Variants in RABEPK observed in about 807,000 individuals in gnomAD.
The protein encoded by RABEPK is Rab9 effector protein with kelch motifs.
Under a neutral mutation model 34.1 loss-of-function variants are expected in RABEPK, and 27 were observed. That is an observed-to-expected ratio of 0.79 (90% CI 0.58 to 1.09). RABEPK has a LOEUF of 1.09. Among genes scored for constraint, RABEPK ranks in the 50% least tolerant of loss-of-function variants. The probability of loss-of-function intolerance (pLI) is 0.00; values close to 1 mark genes in which losing one functional copy is unlikely to be tolerated. For missense variants in RABEPK, 449 were observed against 462.6 expected, an observed-to-expected ratio of 0.97 and a Z score of 0.27; for synonymous variants, 172 against 169.2, an observed-to-expected ratio of 1.02 and a Z score of -0.13.
intron 2 of RABEPK, among the ~76,000 whole-genome samples, chr9:125,204,031 CA>C (rs111335703): frequency 0.042 from 3,439 of 82,150 alleles, 106 homozygotes; most frequent in African/African-American, 0.14. Flanking sequence ...GAATCCGTTT[CA>C]AAAAAAAAAA....
chr9:125,220,641 G>A lies in RABEPK; in HGVS notation c.467G>A (p.Gly156Glu). ...ATTGGAAACCAGCTATATGTCTTTG[G>A]GGGCGGAGAGAGAGGTGCCCAGCCC... Reference protein sequence around the residue: ...AAIGNQLYVFGGGERGAQPVQ... With the variant: ...AAIGNQLYVFEGGERGAQPVQ... The change falls in exon 5 of 8, where the codon GGG (glycine) becomes GAG (glutamate). Residue 156 changes from glycine (G) to glutamate (E), a missense_variant. Gly to Glu is a moderately conservative substitution (Grantham distance 98). Coordinates refer to ENST00000373538, the MANE Select transcript of RABEPK (RefSeq NM_005833.4). The A allele has an allele frequency of 6.2e-7, 1 of 1,614,194 alleles. No homozygotes were observed. The highest frequency in any genetic ancestry group is 8.5e-7 in the Non-Finnish European group (1 of 1,180,030).
intron 4 of RABEPK, among the ~76,000 whole-genome samples, chr9:125,215,026 G>A (rs894074339): frequency 3.3e-5 from 5 of 151,974 alleles, no homozygotes; most frequent in African/African-American, 1.2e-4. Context: ...TTGATCTCAG[G>A]TGATCCGCCC....
chr9:125,226,444 G>A (rs1426186779), intron 5 of RABEPK, among the ~76,000 whole-genome samples: 1 of 151,990 alleles, frequency 6.6e-6, no homozygotes, highest in East Asian at 1.9e-4. Context: ...TAAATAACAA[G>A]GCTGGGCACA....
chr9:125,225,638 C>G (rs1564193968), intron 5 of RABEPK, among the ~76,000 whole-genome samples: 1 of 152,016 alleles, frequency 6.6e-6, no homozygotes, highest in Non-Finnish European at 1.5e-5. Flanking sequence ...GGTTGGCCAA[C>G]ATGGTGAAAC....
At chr9:125,217,503 T>A (rs1831005247) in intron 4 of RABEPK, among the ~76,000 whole-genome samples, 1 of 152,114 alleles carries the variant, frequency 6.6e-6, no homozygotes, top group Non-Finnish European at 1.5e-5. Context: ...TGGGTTCAAA[T>A]GATTCTCCAG....
chr9:125,210,320 C>T (rs996730258), intron 3 of RABEPK, among the ~76,000 whole-genome samples: 8 of 143,678 alleles, frequency 5.6e-5, no homozygotes, highest in African/African-American at 2.1e-4. Flanking sequence ...AGGAGAATGG[C>T]GTGAATCCGG....
intron 2 of RABEPK, among the ~76,000 whole-genome samples, chr9:125,204,311 A>G (rs1213506722): frequency 6.6e-6 from 1 of 150,434 alleles, no homozygotes; most frequent in Admixed American, 6.6e-5. Flanking sequence ...ACCGGGCGCA[A>G]TAGCTCATGC....
At chr9:125,205,384 T>C (rs1363489933) in intron 2 of RABEPK, among the ~76,000 whole-genome samples, 1 of 152,216 alleles carries the variant, frequency 6.6e-6, no homozygotes, top group Non-Finnish European at 1.5e-5. Flanking sequence ...ATATCCACCA[T>C]CTCTGGATGG....
At chr9:125,207,540 C>G (rs200616214) in intron 2 of RABEPK, 24 bp from the exon 3 acceptor site, 25 of 1,610,436 alleles carry the variant, frequency 1.6e-5, no homozygotes, top group Middle Eastern at 1.7e-4. Flanking sequence ...CTCAGGCCTC[C>G]TGAATACATC....
intron 2 of RABEPK, 38 bp from the exon 3 acceptor site, chr9:125,207,526 T>C: frequency 6.3e-7 from 1 of 1,594,440 alleles, no homozygotes; most frequent in Non-Finnish European, 8.6e-7. Context: ...GCATTTATTC[T>C]CTGCTCAGGC....
At chr9:125,232,397 C>T (rs1832259554) in intron 6 of RABEPK, among the ~76,000 whole-genome samples, 199 bp from the exon 7 acceptor site, 1 of 152,212 alleles carries the variant, frequency 6.6e-6, no homozygotes, top group African/African-American at 2.4e-5. Context: ...CTGGGAATCA[C>T]TGAGCCCCTC....
intron 3 of RABEPK, among the ~76,000 whole-genome samples, chr9:125,212,910 C>T (rs753104959): frequency 5.3e-5 from 8 of 152,040 alleles, no homozygotes; most frequent in Non-Finnish European, 7.3e-5. Context: ...CCTCGTGATC[C>T]GCCCACCTGG....
At chr9:125,226,490 C>T (rs1382348299) in intron 5 of RABEPK, among the ~76,000 whole-genome samples, 2 of 152,134 alleles carry the variant, frequency 1.3e-5, no homozygotes, top group African/African-American at 2.4e-5. Context: ...TTTGGGATGC[C>T]GAGGTGGGCA....
intron 4 of RABEPK, among the ~76,000 whole-genome samples, chr9:125,217,263 A>C (rs754928886): frequency 2.0e-5 from 3 of 152,168 alleles, no homozygotes; most frequent in Non-Finnish European, 4.4e-5. Flanking sequence ...GTGGTAGTTG[A>C]TGTAGTTAAG....
Position 125,207,707 on chromosome 9 carries a change from A to G in RABEPK, c.197A>G (p.His66Arg), listed in dbSNP as rs753869792. The change falls in exon 3 of 8, where the codon CAC becomes CGC. Residue 66 changes from histidine to arginine, a missense_variant. By Grantham distance (29) the His-to-Arg change is conservative. Coordinates refer to ENST00000373538, the MANE Select transcript of RABEPK (RefSeq NM_005833.4). ...CCAAACAGAAGCTTCTCAGACGTGC[A>G]CACCATGGATCTGGGTAAGATCAGC... is the stretch of plus-strand genomic sequence containing the variant. ...ANPNRSFSDV[H>R]TMDLGKHQWD... 5.3e-5 allele frequency: 85 copies of G among 1,614,032 alleles called. No individual in the cohort carries two copies. The highest frequency in any genetic ancestry group is 7.0e-5 in the Non-Finnish European group (83 of 1,179,998).
intron 2 of RABEPK, among the ~76,000 whole-genome samples, chr9:125,206,246 C>T (rs986527519): frequency 1.3e-5 from 2 of 151,978 alleles, no homozygotes; most frequent in African/African-American, 2.4e-5. Context: ...GTGGTGGGCG[C>T]GTCCCTAGCA....
chr9:125,226,721 G>A (rs1564195040), intron 5 of RABEPK, among the ~76,000 whole-genome samples: 1 of 151,932 alleles, frequency 6.6e-6, no homozygotes, highest in East Asian at 1.9e-4. Context: ...AAAATTAGCT[G>A]GGGGTGGTGG....
In RABEPK at chr9:125,205,105, G is replaced by A. The variant is rs536700689; in HGVS notation, c.53+2039G>A. On this transcript the variant is annotated intron_variant, in intron 2 of 7. Transcript: ENST00000373538. ...CCCAAAGTGCTGAGATTACAGGTGT[G>A]AGCCACCACACCTGGCCTACCCAGC... is the stretch of plus-strand genomic sequence containing the variant. Among the ~76,000 whole-genome samples, 9 of 152,178 alleles carry A rather than the reference G, an allele frequency of 5.9e-5. No individual in the cohort carries two copies. In the South Asian group the frequency reaches 1.9e-3, roughly 32 times the overall value.
chr9:125,210,828 T>G (rs1027076747), intron 3 of RABEPK, among the ~76,000 whole-genome samples: 1 of 150,112 alleles, frequency 6.7e-6, no homozygotes, highest in African/African-American at 2.5e-5. Flanking sequence ...TCCCTATTGT[T>G]TTAATCTTAA....
Sources: allele counts gnomAD v4.1 joint callset (sites outside exome capture counted in the v4.1 genomes callset), GRCh38; gene constraint gnomAD v4.1.1; transcripts MANE v1.5; gene names NCBI Gene and HGNC (gene_info 2026-07-23, HGNC 2026-07-21).